ARHGAP42: variants seen among roughly 807,000 people sequenced by gnomAD.
The protein encoded by ARHGAP42 is rho GTPase-activating protein 42.
A neutral mutation model predicts 125.0 loss-of-function variants in ARHGAP42; 63 were observed. That is an observed-to-expected ratio of 0.50 (90% CI 0.41 to 0.62). The LOEUF is 0.62. ARHGAP42 is among the 20% of genes least tolerant of loss of function. ARHGAP42 has a pLI of 0.00. For missense variants in ARHGAP42, 766 were observed against 1,024.2 expected (o/e 0.75, Z 3.44); for synonymous variants, 339 against 351.0 (o/e 0.97, Z 0.38).
chr11:100,908,435 A>G lies in ARHGAP42; in HGVS notation c.385-5017A>G, dbSNP rs990652282. 2.0e-5 allele frequency among the ~76,000 whole-genome samples: 3 copies of G among 151,928 alleles called. No individual in the cohort carries two copies. The East Asian group carries it at 5.8e-4, about 29-fold the overall frequency. On this transcript the variant is annotated intron_variant, in intron 4 of 23. Coordinates refer to ENST00000298815, the MANE Select transcript of ARHGAP42 (RefSeq NM_152432.4). ...TGGAGTCTCCAGTGTCTATTACTCC[A>G]CTCTGTATATTCATGTGTACCCATT...
chr11:100,898,690 C>T (rs527863716), intron 4 of ARHGAP42, among the ~76,000 whole-genome samples: 1 of 152,024 alleles, frequency 6.6e-6, no homozygotes, highest in East Asian at 1.9e-4. Context: ...TGGTGATATC[C>T]TCTTTATCAT....
intron 4 of ARHGAP42, among the ~76,000 whole-genome samples, chr11:100,877,626 GT>G (rs1000475699): frequency 2.0e-5 from 3 of 152,188 alleles, no homozygotes; most frequent in African/African-American, 7.2e-5. Context: ...CAGGGTTTAA[GT>G]CAAGGAGAAC....
At position 100,687,492 on chromosome 11, in the gene ARHGAP42, A is replaced by G; in HGVS notation, c.-187A>G. The G allele has an allele frequency of 7.0e-6, 2 of 283,728 alleles. No homozygotes were observed. The highest frequency in any genetic ancestry group is 1.2e-5 in the Non-Finnish European group (2 of 170,726). The allele number at this position is 283,728 out of a possible 1,614,324, so 17.6% of individuals were successfully genotyped here. A position where few individuals can be genotyped will look rare whatever the true frequency, so the allele number is the denominator to read the frequency against. On this transcript the variant is annotated 5_prime_UTR_variant, in exon 1 of 24. Transcript: ENST00000298815. ...GCCTGCGCTCGCCTAGCCTCGGGGG[A>G]GGAAGACTGAGCCCGGCGCAGGCGG... is the stretch of plus-strand genomic sequence containing the variant.
chr11:100,852,498 G>T (rs1233650977), intron 3 of ARHGAP42, among the ~76,000 whole-genome samples: 1 of 152,186 alleles, frequency 6.6e-6, no homozygotes. Flanking sequence ...AAATTAGCCA[G>T]AAGAAATAGC....
chr11:100,988,558 G>A (rs1858748297), intron 23 of ARHGAP42, among the ~76,000 whole-genome samples, 155 bp from the exon 24 acceptor site: 1 of 152,190 alleles, frequency 6.6e-6, no homozygotes, highest in Admixed American at 6.5e-5. Flanking sequence ...AGGGACATGA[G>A]CATGCACAGT....
At chr11:100,692,941 A>T (rs1470003420) in intron 1 of ARHGAP42, among the ~76,000 whole-genome samples, 4 of 152,156 alleles carry the variant, frequency 2.6e-5, no homozygotes, top group African/African-American at 9.7e-5. Flanking sequence ...TCAGTGTTTT[A>T]CTTTTTAAGC....
intron 10 of ARHGAP42, among the ~76,000 whole-genome samples, chr11:100,946,080 C>T (rs1211970506): frequency 6.6e-6 from 1 of 152,132 alleles, no homozygotes; most frequent in Non-Finnish European, 1.5e-5. Context: ...TCAACTCTTA[C>T]TGCTTCATCT....
At chr11:100,800,691 T>G (rs1863829864) in intron 3 of ARHGAP42, among the ~76,000 whole-genome samples, 1 of 152,210 alleles carries the variant, frequency 6.6e-6, no homozygotes, top group Non-Finnish European at 1.5e-5. Context: ...AGGGAAGAAA[T>G]TCTGCTTTCG....
intron 1 of ARHGAP42, among the ~76,000 whole-genome samples, chr11:100,738,808 T>G (rs1041513910): frequency 7.2e-5 from 11 of 152,202 alleles, no homozygotes; most frequent in African/African-American, 2.7e-4. Context: ...GAATATTTTG[T>G]TTTCTTTTTA....
At chr11:100,871,867 C>CT (rs1477915688) in intron 4 of ARHGAP42, among the ~76,000 whole-genome samples, 1 of 152,182 alleles carries the variant, frequency 6.6e-6, no homozygotes, top group Non-Finnish European at 1.5e-5. Context: ...CTTCAGCCGC[C>CT]TGAGTAGCTG....
intron 8 of ARHGAP42, among the ~76,000 whole-genome samples, chr11:100,940,479 C>T (rs1346004376): frequency 6.6e-6 from 1 of 152,092 alleles, no homozygotes; most frequent in Non-Finnish European, 1.5e-5. Context: ...GAAGGTCTTC[C>T]ACCTTGGTCA....
At chr11:100,800,360 G>A (rs960359174) in intron 3 of ARHGAP42, among the ~76,000 whole-genome samples, 2 of 152,212 alleles carry the variant, frequency 1.3e-5, no homozygotes, top group Admixed American at 6.5e-5. Flanking sequence ...TTGGAAGACA[G>A]GGAAGTTGTG....
At chr11:100,810,934 C>T (rs1427585572) in intron 3 of ARHGAP42, among the ~76,000 whole-genome samples, 2 of 151,908 alleles carry the variant, frequency 1.3e-5, no homozygotes, top group Non-Finnish European at 2.9e-5. Flanking sequence ...ATAAAATGAA[C>T]ATTTTATTTA....
At chr11:100,965,816 C>G in intron 17 of ARHGAP42, 40 bp downstream of exon 17, 1 of 1,474,652 alleles carries the variant, frequency 6.8e-7, no homozygotes, top group Non-Finnish European at 9.3e-7. Context: ...ACTTATTGTT[C>G]ATTGTTAAGT....
chr11:100,888,735 T>G (rs571901710), intron 4 of ARHGAP42, among the ~76,000 whole-genome samples: 23 of 152,290 alleles, frequency 1.5e-4, no homozygotes, highest in Non-Finnish European at 2.9e-4. Context: ...TTGAAGAACA[T>G]GTAATGCTGT....
intron 3 of ARHGAP42, among the ~76,000 whole-genome samples, chr11:100,807,919 A>C (rs1054983493): frequency 3.3e-5 from 5 of 152,320 alleles, no homozygotes; most frequent in Admixed American, 2.0e-4. Context: ...TCTTTATTCC[A>C]TTCATAAACC....
intron 10 of ARHGAP42, among the ~76,000 whole-genome samples, chr11:100,946,835 C>T (rs1868034079): frequency 6.6e-6 from 1 of 151,962 alleles, no homozygotes; most frequent in Non-Finnish European, 1.5e-5. Flanking sequence ...TGAGCAAACG[C>T]TCTTGGAAAA....
Position 100,980,559 on chromosome 11 carries a change from C to CTTTTTTTTTTTTTTTT in ARHGAP42, c.2456+1525_2456+1540dup. On this transcript the variant is annotated intron_variant, in intron 22 of 23. Coordinates refer to ENST00000298815, the MANE Select transcript of ARHGAP42 (RefSeq NM_152432.4). ...TCAAATCATACTTCTTTTTCTTCTT[C>CTTTTTTTTTTTTTTTT]TTTTTTTTTTTTTTTTTTTTTTTTT... Among the ~76,000 whole-genome samples, 39 of 51,950 alleles carry CTTTTTTTTTTTTTTTT rather than the reference C, an allele frequency of 7.5e-4. 3 individuals carry two copies. Among genetic ancestry groups the CTTTTTTTTTTTTTTTT allele is most frequent in the South Asian group, 1.1e-3 (1 of 902 alleles). 34.1% of individuals were successfully genotyped at this position (51,950 alleles called of 152,430 possible).
chr11:100,917,043 G>A (rs1867087232), intron 5 of ARHGAP42, among the ~76,000 whole-genome samples: 1 of 145,122 alleles, frequency 6.9e-6, no homozygotes, highest in Admixed American at 6.9e-5. Flanking sequence ...GTGTGTGTGT[G>A]TGTGTGTGTT....
Sources: gnomAD v4.1 joint callset for allele counts (sites outside exome capture counted in the v4.1 genomes callset) on GRCh38, gnomAD v4.1.1 for gene constraint, MANE v1.5 for transcripts, NCBI Gene and HGNC (gene_info 2026-07-23, HGNC 2026-07-21) for gene names.